WDR72: variants seen among roughly 807,000 people sequenced by gnomAD.
The protein encoded by WDR72 is WD repeat domain 72.
Under a neutral mutation model 124.2 loss-of-function variants are expected in WDR72, and 120 were observed. The ratio of observed to expected loss-of-function variants is 0.97; its 90% CI spans 0.83 to 1.12. The LOEUF is 1.12. Among genes scored for constraint, WDR72 ranks in the 50% most tolerant of loss-of-function variants. The pLI, the probability that WDR72 is intolerant of heterozygous loss-of-function variation, is 0.00. For missense variants in WDR72, 1,387 were observed against 1,278.8 expected (o/e 1.08, Z -1.29); for synonymous variants, 452 against 441.7 (o/e 1.02, Z -0.29).
rs1287588031 is a variant in WDR72 at position 53,615,844 on chromosome 15, C to T, written c.2362G>A (p.Ala788Thr). The change falls in exon 15 of 20, where the codon GCC (alanine) becomes ACC (threonine). Residue 788 changes from alanine (A) to threonine (T), a missense_variant. Physicochemically the swap from Ala to Thr is moderately conservative, Grantham distance 58. Transcript: ENST00000360509. ...TTTGCTGTGTCTATTGTGAGACTGG[C>T]ATCTACTTTTCTTGATGGCTTAGGC... is the stretch of plus-strand genomic sequence containing the variant. ...MQPKPSRKVD[A>T]SLTIDTAKLF... 1 of 1,613,596 alleles carries T rather than the reference C, an allele frequency of 6.2e-7. No homozygotes were observed. Among genetic ancestry groups the T allele is most frequent in the Non-Finnish European group, 8.5e-7 (1 of 1,179,674 alleles).
chr15:53,601,210 T>C (rs1456507215), intron 17 of WDR72, among the ~76,000 whole-genome samples: 2 of 152,048 alleles, frequency 1.3e-5, no homozygotes. Flanking sequence ...ATATTCAAAA[T>C]TCTTAAATAA....
intron 13 of WDR72, among the ~76,000 whole-genome samples, chr15:53,694,371 T>C (rs920227170): frequency 3.9e-5 from 6 of 152,166 alleles, no homozygotes; most frequent in Non-Finnish European, 7.3e-5. Context: ...GCTATCAGAG[T>C]GCCAGCCACG....
At chr15:53,609,873 A>G (rs1428082988) in intron 16 of WDR72, among the ~76,000 whole-genome samples, 2 of 150,456 alleles carry the variant, frequency 1.3e-5, no homozygotes, top group African/African-American at 2.5e-5. Context: ...CACACAATTT[A>G]TATGTAATTC....
At chr15:53,577,660 T>G (rs1370240004) in intron 18 of WDR72, among the ~76,000 whole-genome samples, 5 of 152,128 alleles carry the variant, frequency 3.3e-5, no homozygotes, top group Admixed American at 1.3e-4. Flanking sequence ...GATGCCTTAA[T>G]GGGAAACAGT....
chr15:53,544,845 AC>A (rs1453184712), intron 18 of WDR72, among the ~76,000 whole-genome samples: 21 of 152,020 alleles, frequency 1.4e-4, no homozygotes, highest in African/African-American at 4.8e-4. Flanking sequence ...TACAAAAATC[AC>A]AAACATTCTT....
In WDR72 at chr15:53,726,264, G is replaced by GTGTATATATATATATA. The variant is rs1555428779; in HGVS notation, c.154-3357_154-3356insTATATATATATATACA. Among the ~76,000 whole-genome samples the GTGTATATATATATATA allele has an allele frequency of 1.5e-3, 162 of 110,338 alleles. 3 individuals carry two copies. The highest frequency in any genetic ancestry group is 6.6e-3 in the African/African-American group (144 of 21,956). 72.4% of individuals were successfully genotyped at this position (110,338 alleles called of 152,430 possible). On this transcript the variant is annotated intron_variant, in intron 2 of 19. Transcript: ENST00000360509. ...TGTGTGTATATATATATGTATGTGT[G>GTGTATATATATATATA]TATATATATATATATATATATACAC...
rs565772744 is a variant in WDR72, at chr15:53,589,626, A to G, written c.3148+7453T>C. 1.9e-3 allele frequency among the ~76,000 whole-genome samples: 282 copies of G among 149,964 alleles called. 4 individuals are homozygous for G. Among genetic ancestry groups the G allele is most frequent in the Non-Finnish European group, 3.5e-3 (233 of 66,466 alleles). ...ACAGAATCTAGATCACTTTTTGTCA[A>G]TAATTTAAATGGGTATGCAGACAAT... On this transcript the variant is annotated intron_variant, in intron 18 of 19. Coordinates refer to ENST00000360509, the MANE Select transcript of WDR72 (RefSeq NM_182758.4).
chr15:53,613,523 C>T, intron 16 of WDR72, 143 bp downstream of exon 16: 1 of 638,742 alleles, frequency 1.6e-6, no homozygotes, highest in Admixed American at 2.4e-5. Flanking sequence ...AGCCACACAG[C>T]TAGTGTAATC....
At chr15:53,569,772 G>A (rs1289030976) in intron 18 of WDR72, among the ~76,000 whole-genome samples, 1 of 152,038 alleles carries the variant, frequency 6.6e-6, no homozygotes, top group Non-Finnish European at 1.5e-5. Context: ...CCCCTAGAAT[G>A]TCAGTATGGG....
rs2016083526 is a variant in WDR72, at chr15:53,674,101, T to C, written c.1766-8333A>G. 5.9e-5 allele frequency among the ~76,000 whole-genome samples: 9 copies of C among 152,310 alleles called. No homozygotes were observed. In the South Asian group the frequency reaches 1.9e-3, roughly 32 times the overall value. ...AAGCTTAATAGCAAGAACATGTGAG[T>C]GGACATATTATAGAATTAGGTCTTT... On this transcript the variant is annotated intron_variant, in intron 13 of 19. Coordinates refer to ENST00000360509, the MANE Select transcript of WDR72 (RefSeq NM_182758.4).
intron 9 of WDR72, among the ~76,000 whole-genome samples, chr15:53,707,918 G>A (rs1261285241): frequency 6.6e-6 from 1 of 152,124 alleles, no homozygotes; most frequent in Non-Finnish European, 1.5e-5. Flanking sequence ...ATTTGAAAAG[G>A]AAGCTCCAAG....
rs7175616 is a variant in WDR72 at position 53,637,925 on chromosome 15, A to G, written c.1963-21682T>C. On this transcript the variant is annotated intron_variant, in intron 14 of 19. Transcript: ENST00000360509. ...TATTTGAGGGCAGGTTTCATGTCTG[A>G]TTCCTTCAATGGGGGGTGGGGAGTG... 9.2e-3 allele frequency among the ~76,000 whole-genome samples: 1,405 copies of G among 152,242 alleles called. 31 individuals carry two copies. Among genetic ancestry groups the G allele is most frequent in the African/African-American group, 0.033 (1,354 of 41,554 alleles).
chr15:53,728,718 A>G (rs918431257), intron 2 of WDR72, among the ~76,000 whole-genome samples: 1 of 152,226 alleles, frequency 6.6e-6, no homozygotes. Context: ...TAAGAAAACA[A>G]GCAATCAATG....
intron 14 of WDR72, among the ~76,000 whole-genome samples, chr15:53,648,488 A>G (rs2015119444): frequency 6.6e-6 from 1 of 152,140 alleles, no homozygotes. Context: ...ACAAGCTTAT[A>G]ATTGGCCAAG....
At chr15:53,755,991 A>C (rs1321233966) in intron 1 of WDR72, among the ~76,000 whole-genome samples, 1 of 152,228 alleles carries the variant, frequency 6.6e-6, no homozygotes, top group East Asian at 1.9e-4. Flanking sequence ...AGAAAGTAGG[A>C]GTACTGATAC....
chr15:53,662,526 T>C (rs2015641995), intron 14 of WDR72, among the ~76,000 whole-genome samples: 2 of 152,134 alleles, frequency 1.3e-5, no homozygotes, highest in Non-Finnish European at 2.9e-5. Context: ...CTTACTAAAA[T>C]CCACACACAA....
chr15:53,648,979 T>C (rs2015141007), intron 14 of WDR72, among the ~76,000 whole-genome samples: 1 of 152,034 alleles, frequency 6.6e-6, no homozygotes, highest in Non-Finnish European at 1.5e-5. Context: ...AGTTATAATT[T>C]TCAGCAAATA....
At chr15:53,545,133 G>A (rs1244573096) in intron 18 of WDR72, among the ~76,000 whole-genome samples, 3 of 149,906 alleles carry the variant, frequency 2.0e-5, no homozygotes, top group Admixed American at 6.6e-5. Flanking sequence ...AGCTACCAAC[G>A]ACTTTCTTCA....
At chr15:53,696,178 G>C (rs1303920014) in intron 13 of WDR72, among the ~76,000 whole-genome samples, 2 of 152,152 alleles carry the variant, frequency 1.3e-5, no homozygotes, top group Non-Finnish European at 2.9e-5. Context: ...AGTTAGAGGA[G>C]GCAGAGTGCT....
Sources: allele counts gnomAD v4.1 joint callset (sites outside exome capture counted in the v4.1 genomes callset), GRCh38; gene constraint gnomAD v4.1.1; transcripts MANE v1.5; gene names NCBI Gene and HGNC (gene_info 2026-07-23, HGNC 2026-07-21).